PHLDB2: variants seen among roughly 807,000 people sequenced by gnomAD.
The protein encoded by PHLDB2 is pleckstrin homology-like domain family B member 2.
Under a neutral mutation model 123.6 loss-of-function variants are expected in PHLDB2, and 71 were observed. That is an observed-to-expected ratio of 0.57 (90% CI 0.47 to 0.70). PHLDB2 has a LOEUF of 0.70. Among genes scored for constraint, PHLDB2 ranks in the 30% least tolerant of loss-of-function variants. The probability of loss-of-function intolerance (pLI) is 0.00; values close to 1 mark genes in which losing one functional copy is unlikely to be tolerated. For missense variants in PHLDB2, 1,446 were observed against 1,519.5 expected, an observed-to-expected ratio of 0.95 and a Z score of 0.80; for synonymous variants, 547 against 541.6, an observed-to-expected ratio of 1.01 and a Z score of -0.14.
rs1255547060 is a variant in PHLDB2, at chr3:111,976,238, T to C, written c.*1675T>C. ...TAAATATATTGAGTTTGGATTAAAA[T>C]GTTGACATGATTTCACATTTGAAAA... On this transcript the variant is annotated 3_prime_UTR_variant, in exon 18 of 18. Coordinates refer to ENST00000431670, the MANE Select transcript of PHLDB2 (RefSeq NM_001134438.2). 6.6e-6 allele frequency: 1 copy of C among 152,292 alleles called. No individual in the cohort carries two copies. Among genetic ancestry groups the C allele is most frequent in the Non-Finnish European group, 1.5e-5 (1 of 68,040 alleles). 9.4% of individuals were successfully genotyped at this position (152,292 alleles called of 1,614,324 possible). A position where few individuals can be genotyped will look rare whatever the true frequency, so the allele number is the denominator to read the frequency against.
In PHLDB2 at chr3:111,952,234, A is replaced by G. The variant is rs542810812; in HGVS notation, c.2632-338A>G. Among the ~76,000 whole-genome samples the G allele has an allele frequency of 1.8e-4, 27 of 152,256 alleles. No homozygotes were observed. The South Asian group carries it at 5.6e-3, about 32-fold the overall frequency. On this transcript the variant is annotated intron_variant, in intron 10 of 17. Transcript: ENST00000431670. ...CACAGAACTGCCCGGAAGGGGAGAAAGTGCTTACGTGCTTTGTCCACTGGC... is the reference window on the plus strand; with the variant it reads ...CACAGAACTGCCCGGAAGGGGAGAAGGTGCTTACGTGCTTTGTCCACTGGC...
intron 1 of PHLDB2, among the ~76,000 whole-genome samples, chr3:111,795,364 T>C (rs1483539814): frequency 6.6e-6 from 1 of 152,098 alleles, no homozygotes; most frequent in Non-Finnish European, 1.5e-5. Flanking sequence ...AAGTGCACAT[T>C]GTCCAAGACC....
chr3:111,795,525 G>A (rs558886080), intron 1 of PHLDB2, among the ~76,000 whole-genome samples: 2 of 152,234 alleles, frequency 1.3e-5, no homozygotes, highest in East Asian at 3.9e-4. Context: ...GCAGAACTAG[G>A]TCCCTACAAT....
intron 1 of PHLDB2, among the ~76,000 whole-genome samples, chr3:111,828,199 A>G (rs990225058): frequency 1.3e-5 from 2 of 152,232 alleles, no homozygotes; most frequent in Non-Finnish European, 2.9e-5. Flanking sequence ...CTTCTGGGGC[A>G]GAGTGAACCA....
chr3:111,803,440 G>T (rs193172972), intron 1 of PHLDB2, among the ~76,000 whole-genome samples: 5 of 152,124 alleles, frequency 3.3e-5, no homozygotes, highest in African/African-American at 1.2e-4. Flanking sequence ...CCACCACCCC[G>T]TGCAGAACTC....
intron 2 of PHLDB2, among the ~76,000 whole-genome samples, chr3:111,895,751 A>G (rs1196190539): frequency 3.3e-5 from 5 of 152,188 alleles, no homozygotes; most frequent in African/African-American, 1.2e-4. Flanking sequence ...TCGGAGGCTG[A>G]AGCAGGAAAA....
At chr3:111,819,257 G>A (rs959606280) in intron 1 of PHLDB2, among the ~76,000 whole-genome samples, 2 of 152,088 alleles carry the variant, frequency 1.3e-5, no homozygotes, top group African/African-American at 4.8e-5. Flanking sequence ...AAATGGGGTG[G>A]GGGGTGGCTG....
At chr3:111,938,787 TC>T (rs1466934678) in intron 6 of PHLDB2, among the ~76,000 whole-genome samples, 3 of 147,536 alleles carry the variant, frequency 2.0e-5, no homozygotes, top group Admixed American at 1.3e-4. Flanking sequence ...TCCTTTCCTT[TC>T]CTTTCCTTTC....
chr3:111,950,052 G>C (rs961048924), intron 10 of PHLDB2, among the ~76,000 whole-genome samples: 1 of 152,040 alleles, frequency 6.6e-6, no homozygotes, highest in Non-Finnish European at 1.5e-5. Context: ...TGTGTTCTAA[G>C]AGTGTTAGAA....
intron 1 of PHLDB2, among the ~76,000 whole-genome samples, chr3:111,838,033 C>T (rs1333221161): frequency 1.6e-5 from 2 of 125,058 alleles, no homozygotes; most frequent in African/African-American, 6.3e-5. Context: ...CAGAGGGAGA[C>T]TCTGTCTCAA....
In PHLDB2 at chr3:111,974,908, A is replaced by G. The variant is rs2072446921; in HGVS notation, c.*345A>G. ...TTACAGAATATCTGTATGTACTTGGAAATACAGAATAACTTTATCACCCAA... is the reference window on the plus strand; with the variant it reads ...TTACAGAATATCTGTATGTACTTGGGAATACAGAATAACTTTATCACCCAA... On this transcript the variant is annotated 3_prime_UTR_variant, in exon 18 of 18. Transcript: ENST00000431670. The G allele has an allele frequency of 6.1e-6, 1 of 163,962 alleles. No individual in the cohort carries two copies. The highest frequency in any genetic ancestry group is 1.3e-5 in the Non-Finnish European group (1 of 76,064). The allele number at this position is 163,962 out of a possible 1,614,324, so 10.2% of individuals were successfully genotyped here.
chr3:111,877,885 G>A (rs1477237377), intron 1 of PHLDB2, among the ~76,000 whole-genome samples: 1 of 152,066 alleles, frequency 6.6e-6, no homozygotes, highest in African/African-American at 2.4e-5. Flanking sequence ...GTAGATGGGT[G>A]GTGTTATTTC....
intron 1 of PHLDB2, among the ~76,000 whole-genome samples, chr3:111,761,895 A>G (rs2060002019): frequency 6.6e-6 from 1 of 152,156 alleles, no homozygotes; most frequent in African/African-American, 2.4e-5. Context: ...ATACAAATTT[A>G]TTTAATGTGT....
At chr3:111,751,901 A>G (rs2059783685) in intron 1 of PHLDB2, among the ~76,000 whole-genome samples, 1 of 152,212 alleles carries the variant, frequency 6.6e-6, no homozygotes, top group Non-Finnish European at 1.5e-5. Context: ...TTGAAATTCA[A>G]GAAAAGGAGA....
intron 1 of PHLDB2, among the ~76,000 whole-genome samples, chr3:111,836,981 G>A (rs1469473117): frequency 6.6e-6 from 1 of 152,110 alleles, no homozygotes; most frequent in Non-Finnish European, 1.5e-5. Context: ...TAACATTATA[G>A]ACTTTGAATC....
intron 5 of PHLDB2, among the ~76,000 whole-genome samples, chr3:111,924,760 T>G (rs1203287274): frequency 6.6e-6 from 1 of 152,258 alleles, no homozygotes; most frequent in Non-Finnish European, 1.5e-5. Flanking sequence ...CTCTAGAATT[T>G]TGGAGACAAG....
At position 111,974,728 on chromosome 3, in the gene PHLDB2, G is replaced by A; in HGVS notation, c.*165G>A. On this transcript the variant is annotated 3_prime_UTR_variant, in exon 18 of 18. Transcript: ENST00000431670. Reference sequence around the variant, plus strand: ...CAAGTTATTTGTAAAAAATAAAGAAGGGGTTTTAATACAAACCTTCATAAT... The same window carrying A: ...CAAGTTATTTGTAAAAAATAAAGAAAGGGTTTTAATACAAACCTTCATAAT... 1 of 635,280 alleles carries A rather than the reference G, an allele frequency of 1.6e-6. No individual in the cohort carries two copies. Among genetic ancestry groups the A allele is most frequent in the Non-Finnish European group, 2.3e-6 (1 of 430,788 alleles). The allele number at this position is 635,280 out of a possible 1,614,324, so 39.4% of individuals were successfully genotyped here. A position where few individuals can be genotyped will look rare whatever the true frequency, so the allele number is the denominator to read the frequency against.
At chr3:111,804,802 C>T (rs1226394539) in intron 1 of PHLDB2, among the ~76,000 whole-genome samples, 3 of 152,166 alleles carry the variant, frequency 2.0e-5, no homozygotes, top group Admixed American at 6.5e-5. Context: ...AATTTGCACA[C>T]AGGGCTTCTA....
chr3:111,892,671 G>A (rs2066570447), intron 2 of PHLDB2, among the ~76,000 whole-genome samples: 1 of 152,128 alleles, frequency 6.6e-6, no homozygotes, highest in African/African-American at 2.4e-5. Flanking sequence ...ATAAAAAGAT[G>A]AAAGAGTTAT....
Sources: allele counts gnomAD v4.1 joint callset (sites outside exome capture counted in the v4.1 genomes callset), GRCh38; gene constraint gnomAD v4.1.1; transcripts MANE v1.5; gene names NCBI Gene and HGNC (gene_info 2026-07-23, HGNC 2026-07-21).